The following CSMD3 variants were observed in gnomAD, a reference collection of about 807,000 sequenced individuals.
CSMD3 encodes the protein CUB and sushi domain-containing protein 3.
Under a neutral mutation model 435.2 loss-of-function variants are expected in CSMD3, and 177 were observed. The observed-to-expected ratio is 0.41, with a 90% confidence interval of 0.36 to 0.46. The LOEUF (loss-of-function observed/expected upper bound fraction) is 0.46. Among genes scored for constraint, CSMD3 ranks in the 20% least tolerant of loss-of-function variants. The pLI, the probability that CSMD3 is intolerant of heterozygous loss-of-function variation, is 0.34. For missense variants in CSMD3, 4,265 were observed against 4,504.6 expected, an observed-to-expected ratio of 0.95 and a Z score of 1.52; for synonymous variants, 1,656 against 1,520.5, an observed-to-expected ratio of 1.09 and a Z score of -2.07.
intron 56 of CSMD3, 39 bp downstream of exon 56, chr8:112,291,471 T>A (rs767513786): frequency 4.5e-5 from 60 of 1,339,960 alleles, no homozygotes; most frequent in Non-Finnish European, 6.1e-5. Context: ...ATGGTTTCCA[T>A]GACATGTTCT....
intron 8 of CSMD3, among the ~76,000 whole-genome samples, chr8:112,951,174 G>A (rs562007731): frequency 4.6e-5 from 7 of 151,946 alleles, no homozygotes; most frequent in African/African-American, 1.4e-4. Flanking sequence ...CCATAGCTAA[G>A]TGATGCCAAG....
chr8:113,145,434 T>A (rs1238527054), intron 4 of CSMD3, among the ~76,000 whole-genome samples: 1 of 151,648 alleles, frequency 6.6e-6, no homozygotes, highest in Non-Finnish European at 1.5e-5. Flanking sequence ...GGGCCTATTT[T>A]CAACTGTCAC....
intron 13 of CSMD3, among the ~76,000 whole-genome samples, chr8:112,744,959 G>T (rs1360321683): frequency 6.6e-6 from 1 of 152,074 alleles, no homozygotes; most frequent in Non-Finnish European, 1.5e-5. Flanking sequence ...AAATGACTTG[G>T]TCACATATCT....
intron 32 of CSMD3, among the ~76,000 whole-genome samples, chr8:112,441,759 A>G (rs1815048251): frequency 6.6e-6 from 1 of 152,126 alleles, no homozygotes; most frequent in Non-Finnish European, 1.5e-5. Flanking sequence ...TTACAAAACC[A>G]TCAGATGTCA....
At chr8:112,566,470 C>T (rs1314299854) in intron 24 of CSMD3, among the ~76,000 whole-genome samples, 3 of 152,076 alleles carry the variant, frequency 2.0e-5, no homozygotes, top group African/African-American at 7.2e-5. Context: ...GTACTATACT[C>T]CACCTTGCCC....
chr8:113,101,067 C>G (rs1009884936), intron 4 of CSMD3, among the ~76,000 whole-genome samples: 1 of 152,130 alleles, frequency 6.6e-6, no homozygotes, highest in African/African-American at 2.4e-5. Flanking sequence ...TTTCCTAACA[C>G]TAATTTGGCA....
At chr8:112,632,783 C>T (rs1457738376) in intron 22 of CSMD3, among the ~76,000 whole-genome samples, 3 of 151,850 alleles carry the variant, frequency 2.0e-5, no homozygotes, top group Non-Finnish European at 2.9e-5. Flanking sequence ...TTTTAATCAA[C>T]TTATCAACTT....
intron 5 of CSMD3, among the ~76,000 whole-genome samples, chr8:113,069,219 AGTAGATTAGAC>A (rs1308873468): frequency 3.9e-5 from 6 of 152,110 alleles, no homozygotes; most frequent in Non-Finnish European, 8.8e-5. Flanking sequence ...AACGCTGCCT[AGTAGATTAGAC>A]TATAAATATA....
chr8:113,081,890 A>C (rs762973059), intron 5 of CSMD3, among the ~76,000 whole-genome samples: 9 of 152,090 alleles, frequency 5.9e-5, no homozygotes, highest in Non-Finnish European at 1.2e-4. Context: ...GGCAAAGCAA[A>C]AACTCCCCAG....
chr8:112,321,209 T>C (rs757165571), intron 45 of CSMD3, among the ~76,000 whole-genome samples: 1 of 152,158 alleles, frequency 6.6e-6, no homozygotes, highest in Non-Finnish European at 1.5e-5. Flanking sequence ...AAGTTCTTTA[T>C]GTACTCAACG....
intron 3 of CSMD3, among the ~76,000 whole-genome samples, chr8:113,186,166 T>G (rs972463341): frequency 1.3e-5 from 2 of 151,998 alleles, no homozygotes; most frequent in Non-Finnish European, 2.9e-5. Flanking sequence ...TGCATGGCCA[T>G]CAACATGTTC....
At chr8:112,822,021 G>A (rs1408895855) in intron 12 of CSMD3, among the ~76,000 whole-genome samples, 8 of 151,974 alleles carry the variant, frequency 5.3e-5, no homozygotes, top group East Asian at 3.9e-4. Flanking sequence ...GACTGTTTTC[G>A]TACCAGTACC....
chr8:113,229,626 T>C (rs957884709), intron 3 of CSMD3, among the ~76,000 whole-genome samples: 1 of 151,570 alleles, frequency 6.6e-6, no homozygotes, highest in African/African-American at 2.4e-5. Context: ...ATTAAGGAAA[T>C]AGTAGCCACA....
At chr8:113,142,959 T>C (rs2091584825) in intron 4 of CSMD3, among the ~76,000 whole-genome samples, 1 of 150,608 alleles carries the variant, frequency 6.6e-6, no homozygotes, top group African/African-American at 2.4e-5. Context: ...AAATCTCACA[T>C]TTTATTTTTA....
chr8:113,302,907 C>T (rs899345727), intron 2 of CSMD3, among the ~76,000 whole-genome samples: 11 of 143,282 alleles, frequency 7.7e-5, no homozygotes, highest in African/African-American at 2.9e-4. Flanking sequence ...GAAGTTCTGG[C>T]CAGTGCAATC....
chr8:112,855,805 G>A (rs1003162141), intron 11 of CSMD3, among the ~76,000 whole-genome samples: 9 of 127,032 alleles, frequency 7.1e-5, no homozygotes, highest in Non-Finnish European at 1.3e-4. Context: ...ATGTCTTAGC[G>A]AAGCTTTTTT....
intron 1 of CSMD3, among the ~76,000 whole-genome samples, chr8:113,384,600 C>T (rs555086961): frequency 6.6e-6 from 1 of 152,156 alleles, no homozygotes; most frequent in Non-Finnish European, 1.5e-5. Context: ...GATCTGAGAC[C>T]CAGTTCTCAA....
chr8:112,311,242 A>G (rs17637578), intron 49 of CSMD3, 76 bp from the exon 50 acceptor site: 256,878 of 1,165,618 alleles, frequency 0.22, 30,575 homozygotes, highest in Middle Eastern at 0.3. Flanking sequence ...ACACCTATAC[A>G]GCGACTAGTG....
intron 11 of CSMD3, among the ~76,000 whole-genome samples, chr8:112,857,657 T>C (rs1462556820): frequency 6.6e-6 from 1 of 151,826 alleles, no homozygotes; most frequent in Non-Finnish European, 1.5e-5. Flanking sequence ...TTGCTAACTA[T>C]GTGATCTTTG....
Sources: allele counts gnomAD v4.1 joint callset (sites outside exome capture counted in the v4.1 genomes callset), GRCh38; gene constraint gnomAD v4.1.1; transcripts MANE v1.5; gene names NCBI Gene and HGNC (gene_info 2026-07-23, HGNC 2026-07-21).